The following TSTD2 variants were observed in gnomAD, a reference collection of about 807,000 sequenced individuals.
The protein encoded by TSTD2 is thiosulfate sulfurtransferase like domain containing 2.
In TSTD2, 37 loss-of-function variants were observed where a neutral mutation model predicts 47.9. The ratio of observed to expected loss-of-function variants is 0.77; its 90% CI spans 0.59 to 1.02. The LOEUF is 1.02. Among genes scored for constraint, TSTD2 ranks in the 50% least tolerant of loss-of-function variants. The pLI, the probability that TSTD2 is intolerant of heterozygous loss-of-function variation, is 0.00. For missense variants in TSTD2, 586 were observed against 616.0 expected (o/e 0.95, Z 0.52); for synonymous variants, 201 against 215.9 (o/e 0.93, Z 0.61).
In TSTD2 at chr9:97,602,259, C is replaced by T; in HGVS notation, c.*210G>A. On this transcript the variant is annotated 3_prime_UTR_variant, in exon 10 of 10. Coordinates refer to ENST00000341170, the MANE Select transcript of TSTD2 (RefSeq NM_139246.5). ...ATGCAGCTCACCTATTTTCTGTGCT[C>T]TAGCATCATCCAAATCAGAATGTCT... 2 of 611,034 alleles carry T rather than the reference C, an allele frequency of 3.3e-6. No homozygotes were observed. Among genetic ancestry groups the T allele is most frequent in the South Asian group, 4.6e-5 (2 of 43,696 alleles). The allele number at this position is 611,034 out of a possible 1,614,324, so 37.9% of individuals were successfully genotyped here.
chr9:97,610,964 T>C (rs1826447490), intron 5 of TSTD2: 1 of 152,588 alleles, frequency 6.6e-6, no homozygotes, highest in South Asian at 2.1e-4. Flanking sequence ...AGTGAGCTAA[T>C]ATGTCCAAGA....
chr9:97,600,897 C>CAGTT lies in TSTD2; in HGVS notation c.*1568_*1571dup. On this transcript the variant is annotated 3_prime_UTR_variant, in exon 10 of 10. Transcript: ENST00000341170. ...TGTGCCTTTTAATATACCACAGTGCCAGTTAAACTAATATTTTTGTTTGTT... is the reference window on the plus strand; with the variant it reads ...TGTGCCTTTTAATATACCACAGTGCCAGTTAGTTAAACTAATATTTTTGTTTGTT... 3 of 1,154,014 alleles carry CAGTT rather than the reference C, an allele frequency of 2.6e-6. No homozygotes were observed. Among genetic ancestry groups the CAGTT allele is most frequent in the Non-Finnish European group, 3.3e-6 (3 of 919,432 alleles). 71.5% of individuals were successfully genotyped at this position (1,154,014 alleles called of 1,614,324 possible).
chr9:97,626,864 T>A (rs949306096), intron 2 of TSTD2, among the ~76,000 whole-genome samples: 1 of 152,180 alleles, frequency 6.6e-6, no homozygotes, highest in Admixed American at 6.5e-5. Context: ...TCTATCAGTA[T>A]TTTTTATCAT....
chr9:97,605,845 G>A (rs896463218), intron 7 of TSTD2, among the ~76,000 whole-genome samples: 1 of 152,180 alleles, frequency 6.6e-6, no homozygotes, highest in African/African-American at 2.4e-5. Context: ...GGGTCCTCAG[G>A]GGAACTGGAG....
At chr9:97,632,022 A>G (rs1826829459) in intron 1 of TSTD2, among the ~76,000 whole-genome samples, 1 of 152,154 alleles carries the variant, frequency 6.6e-6, no homozygotes, top group Admixed American at 6.5e-5. Context: ...ATCAGCGCCA[A>G]GAGAGCAGGG....
Position 97,610,381 on chromosome 9 carries a change from C to T in TSTD2, c.800G>A (p.Gly267Glu). ...GTAGGAGATCTTTTTGGGGCTGATC[C>T]CCATGGGCACGATTTCTTCAAATAC... ...VGVFEEIVPM[G>E]ISPKKISYKK... The change falls in exon 6 of 10, where the codon GGG (glycine) becomes GAG (glutamate). Residue 267 changes from glycine (G) to glutamate (E), a missense_variant. Transcript: ENST00000341170. 6.2e-7 allele frequency: 1 copy of T among 1,602,120 alleles called. No homozygotes were observed. The highest frequency in any genetic ancestry group is 8.5e-7 in the Non-Finnish European group (1 of 1,175,204).
chr9:97,604,412 A>G (rs1476214739), intron 9 of TSTD2: 1 of 238,908 alleles, frequency 4.2e-6, no homozygotes, highest in African/African-American at 2.2e-5. Flanking sequence ...CCAGGTTAAG[A>G]GCCCTGAATT....
At chr9:97,616,938 T>C (rs1028462574) in intron 4 of TSTD2, among the ~76,000 whole-genome samples, 1 of 152,244 alleles carries the variant, frequency 6.6e-6, no homozygotes, top group Non-Finnish European at 1.5e-5. Flanking sequence ...GGTTTTGTCA[T>C]GAACATGCAT....
rs1343742458 is a variant in TSTD2, at chr9:97,625,836, AGCTG to A, written c.323_326del (p.Thr108IlefsTer4). On this transcript the variant is annotated frameshift_variant, in exon 3 of 10. Coordinates refer to ENST00000341170, the MANE Select transcript of TSTD2 (RefSeq NM_139246.5). LOFTEE classifies it high-confidence loss of function. ...TCACAGCCAGTTGCTTTAAAATAGA[AGCTG>A]TCTGGTGATAAATTTCATCAGCATG... 1 of 1,614,180 alleles carries A rather than the reference AGCTG, an allele frequency of 6.2e-7. No homozygotes were observed. Among genetic ancestry groups the A allele is most frequent in the Non-Finnish European group, 8.5e-7 (1 of 1,180,000 alleles).
intron 4 of TSTD2, among the ~76,000 whole-genome samples, chr9:97,616,852 G>A (rs1826551107): frequency 1.3e-5 from 2 of 152,140 alleles, no homozygotes; most frequent in South Asian, 2.1e-4. Flanking sequence ...AAAAACCATC[G>A]ATAATCCTAC....
chr9:97,621,074 C>T (rs536379367), intron 3 of TSTD2, among the ~76,000 whole-genome samples: 11 of 152,242 alleles, frequency 7.2e-5, no homozygotes, highest in African/African-American at 2.4e-4. Flanking sequence ...GGACCCTGAA[C>T]GGAGGGACTG....
chr9:97,620,248 A>G (rs1826611127), intron 3 of TSTD2, among the ~76,000 whole-genome samples: 1 of 152,102 alleles, frequency 6.6e-6, no homozygotes, highest in Non-Finnish European at 1.5e-5. Context: ...TTTCCTGTAC[A>G]AGCTTTCTCT....
chr9:97,603,626 CAGAG>C (rs1309440894), intron 9 of TSTD2, among the ~76,000 whole-genome samples: 1 of 152,204 alleles, frequency 6.6e-6, no homozygotes, highest in African/African-American at 2.4e-5. Context: ...CCTGGGTCCA[CAGAG>C]AGCTATGAGT....
intron 6 of TSTD2, among the ~76,000 whole-genome samples, chr9:97,609,062 G>A (rs1203562808): frequency 1.3e-5 from 2 of 152,084 alleles, no homozygotes; most frequent in Non-Finnish European, 2.9e-5. Flanking sequence ...CTAGCCACAT[G>A]TGGCTGACAA....
intron 3 of TSTD2, among the ~76,000 whole-genome samples, chr9:97,624,241 A>G (rs1168528992): frequency 6.6e-6 from 1 of 152,176 alleles, no homozygotes; most frequent in Non-Finnish European, 1.5e-5. Context: ...TTAGGTCATA[A>G]AAGATTGTGG....
chr9:97,601,210 ATCG>A lies in TSTD2; in HGVS notation c.*1256_*1258del. ...AAACACAATTGCAGCTGCATTCTGC[ATCG>A]CTGAAAACTGCAATATAATATTAAA... On this transcript the variant is annotated 3_prime_UTR_variant, in exon 10 of 10. Transcript: ENST00000341170. 1 of 1,288,132 alleles carries A rather than the reference ATCG, an allele frequency of 7.8e-7. No homozygotes were observed. The highest frequency in any genetic ancestry group is 1.3e-5 in the South Asian group (1 of 78,622). The allele number at this position is 1,288,132 out of a possible 1,614,324, so 79.8% of individuals were successfully genotyped here.
At chr9:97,633,086 C>A (rs1376270106) in intron 1 of TSTD2, among the ~76,000 whole-genome samples, 157 bp downstream of exon 1, 1 of 152,264 alleles carries the variant, frequency 6.6e-6, no homozygotes, top group Non-Finnish European at 1.5e-5. Context: ...CGGAGCCGCA[C>A]GCTCGCGTCA....
In TSTD2 at chr9:97,600,231, C is replaced by T. The variant is rs1826222960; in HGVS notation, c.*2238G>A. The T allele has an allele frequency of 1.0e-6, 1 of 991,116 alleles. No individual in the cohort carries two copies. Among genetic ancestry groups the T allele is most frequent in the Non-Finnish European group, 1.2e-6 (1 of 832,888 alleles). 61.4% of individuals were successfully genotyped at this position (991,116 alleles called of 1,614,324 possible). A position where few individuals can be genotyped will look rare whatever the true frequency, so the allele number is the denominator to read the frequency against. ...ATTACTGGATCCAGAACACAATTTT[C>T]CCCTCAGAACAGATAGACAGACTGA... On this transcript the variant is annotated 3_prime_UTR_variant, in exon 10 of 10. Coordinates refer to ENST00000341170, the MANE Select transcript of TSTD2 (RefSeq NM_139246.5).
chr9:97,620,351 G>A (rs1826613452), intron 3 of TSTD2, among the ~76,000 whole-genome samples: 1 of 152,164 alleles, frequency 6.6e-6, no homozygotes, highest in Non-Finnish European at 1.5e-5. Context: ...GGAACTGTAA[G>A]TCCATTAAAC....
Sources: gnomAD v4.1 joint callset for allele counts (sites outside exome capture counted in the v4.1 genomes callset) on GRCh38, gnomAD v4.1.1 for gene constraint, MANE v1.5 for transcripts, NCBI Gene and HGNC (gene_info 2026-07-23, HGNC 2026-07-21) for gene names.